The following LIG1 variants were observed in gnomAD, a reference collection of about 807,000 sequenced individuals.
LIG1 encodes the protein DNA ligase 1.
LIG1 carries 70 observed loss-of-function variants against 115.7 expected under a neutral mutation model. That is an observed-to-expected ratio of 0.60 (90% CI 0.50 to 0.74). The LOEUF is 0.74. LIG1 is among the 30% of genes least tolerant of loss of function. The probability of loss-of-function intolerance (pLI) is 0.00; values close to 1 mark genes in which losing one functional copy is unlikely to be tolerated. For synonymous variants in LIG1, 487 were observed against 495.3 expected, an observed-to-expected ratio of 0.98 and a Z score of 0.22; for missense variants, 1,115 against 1,225.6, an observed-to-expected ratio of 0.91 and a Z score of 1.35.
In LIG1 at chr19:48,139,968, T is replaced by TA; in HGVS notation, c.1087+2dup. 1 of 1,614,096 alleles carries TA rather than the reference T, an allele frequency of 6.2e-7. No homozygotes were observed. The highest frequency in any genetic ancestry group is 1.7e-5 in the Admixed American group (1 of 60,026). On this transcript the variant is annotated splice_region_variant and intron_variant, in intron 12 of 27. Coordinates refer to ENST00000263274, the MANE Select transcript of LIG1 (RefSeq NM_000234.3). ...TGGTCCCTCCAACCACAGTCCCCCT[T>TA]ACCTGTGGCCTGGGCCACTGCCTTG...
At chr19:48,167,273 T>C (rs1272942307) in intron 1 of LIG1, among the ~76,000 whole-genome samples, 1 of 152,088 alleles carries the variant, frequency 6.6e-6, no homozygotes, top group Admixed American at 6.6e-5. Flanking sequence ...ACTATGAATA[T>C]ATTTTTTAAA....
At chr19:48,146,396 T>C (rs952238571) in intron 9 of LIG1, among the ~76,000 whole-genome samples, 11 of 152,250 alleles carry the variant, frequency 7.2e-5, no homozygotes, top group African/African-American at 1.2e-4. Flanking sequence ...TATGACGCAG[T>C]GAGTCCAAAA....
At chr19:48,156,218 G>A (rs1308411958) in intron 5 of LIG1, among the ~76,000 whole-genome samples, 2 of 152,042 alleles carry the variant, frequency 1.3e-5, no homozygotes, top group African/African-American at 4.8e-5. Context: ...TGTTCCCCTT[G>A]CCTAGCATGC....
Position 48,170,319 on chromosome 19 carries a change from G to A in LIG1, c.-136C>T. 2.2e-6 allele frequency: 1 copy of A among 446,846 alleles called. No homozygotes were observed. The allele number at this position is 446,846 out of a possible 1,614,324, so 27.7% of individuals were successfully genotyped here. A position where few individuals can be genotyped will look rare whatever the true frequency, so the allele number is the denominator to read the frequency against. On this transcript the variant is annotated 5_prime_UTR_variant, in exon 1 of 28. Coordinates refer to ENST00000263274, the MANE Select transcript of LIG1 (RefSeq NM_000234.3). ...CGCGCCTCTGCAGTCCCAAGTTCGC[G>A]CCACGGCATTCGCGCGCAGACGTCT...
chr19:48,149,966 C>T, intron 8 of LIG1, 122 bp downstream of exon 8: 3 of 1,569,682 alleles, frequency 1.9e-6, no homozygotes, highest in South Asian at 2.3e-5. Flanking sequence ...AGAGACAAGG[C>T]CGACTTTCCA....
chr19:48,157,731 G>C (rs2035939937), intron 4 of LIG1, among the ~76,000 whole-genome samples: 1 of 152,090 alleles, frequency 6.6e-6, no homozygotes, highest in Non-Finnish European at 1.5e-5. Flanking sequence ...TTTTTTTATA[G>C]AGATGGGGCT....
At chr19:48,140,602 C>G (rs557593967) in intron 11 of LIG1, among the ~76,000 whole-genome samples, 11 of 152,278 alleles carry the variant, frequency 7.2e-5, no homozygotes, top group African/African-American at 2.6e-4. Context: ...GGTCACGCAG[C>G]CTCTGGCTTC....
At chr19:48,118,289 C>T (rs1258954465) in intron 25 of LIG1, 5 of 201,348 alleles carry the variant, frequency 2.5e-5, no homozygotes, top group Non-Finnish European at 4.1e-5. Context: ...CCCCATGTGT[C>T]GTGGAGGGAC....
At chr19:48,130,777 C>A (rs1176817429) in intron 19 of LIG1, among the ~76,000 whole-genome samples, 1 of 152,198 alleles carries the variant, frequency 6.6e-6, no homozygotes, top group African/African-American at 2.4e-5. Context: ...AGGGGACAAG[C>A]ATTGGCACTA....
Position 48,140,082 on chromosome 19 carries a change from C to G in LIG1, c.976G>C (p.Asp326His), listed in dbSNP as rs1195706326. ...CTGAGGTAGAGGACAGGGAGGAGGT[C>G]TGGAGGCGACAGGGCCACCACGGAG... The part of the protein sequence containing the change: ...LRSVVALSPP[D>H]LLPVLYLSLN... Residue 326 changes from aspartate to histidine, a missense_variant, in exon 12 of 28, where the codon GAC becomes CAC. Transcript: ENST00000263274. The G allele has an allele frequency of 1.2e-6, 2 of 1,613,950 alleles. No homozygotes were observed. The highest frequency in any genetic ancestry group is 2.2e-5 in the East Asian group (1 of 44,886).
chr19:48,131,208 G>T, intron 18 of LIG1, 37 bp from the exon 19 acceptor site: 1 of 1,494,274 alleles, frequency 6.7e-7, no homozygotes, highest in African/African-American at 1.4e-5. Flanking sequence ...AATCAGCTGA[G>T]TCCCCTCATG....
intron 22 of LIG1, 56 bp downstream of exon 22, chr19:48,123,118 G>A (rs2033410819): frequency 1.2e-6 from 2 of 1,613,432 alleles, no homozygotes; most frequent in South Asian, 2.2e-5. Flanking sequence ...GACAGGCTGG[G>A]AGGCCGGGGT....
chr19:48,159,254 C>T (rs2036033629), intron 4 of LIG1, among the ~76,000 whole-genome samples: 1 of 152,018 alleles, frequency 6.6e-6, no homozygotes, highest in South Asian at 2.1e-4. Context: ...ACTTTTGTAG[C>T]AGAGATGAGG....
In LIG1 at chr19:48,150,322, C is replaced by T. The variant is rs949865720; in HGVS notation, c.575-112G>A. The T allele has an allele frequency of 3.4e-6, 5 of 1,480,132 alleles. No homozygotes were observed. The African/African-American group carries it at 4.2e-5, about 12-fold the overall frequency. The allele number at this position is 1,480,132 out of a possible 1,614,324, so 91.7% of individuals were successfully genotyped here. A position where few individuals can be genotyped will look rare whatever the true frequency, so the allele number is the denominator to read the frequency against. Reference sequence around the variant, plus strand: ...ACCCTGCAGATGGAAGATATAACTACACCTACCCTTTTCCTTTCTGTTAGC... The same window carrying T: ...ACCCTGCAGATGGAAGATATAACTATACCTACCCTTTTCCTTTCTGTTAGC... On this transcript the variant is annotated intron_variant, in intron 7 of 27. Coordinates refer to ENST00000263274, the MANE Select transcript of LIG1 (RefSeq NM_000234.3).
intron 1 of LIG1, among the ~76,000 whole-genome samples, chr19:48,166,808 T>TA (rs1221596439): frequency 6.6e-6 from 1 of 151,484 alleles, no homozygotes; most frequent in African/African-American, 2.4e-5. Flanking sequence ...TCATCTCTAC[T>TA]AAAAATACAA....
intron 11 of LIG1, 41 bp from the exon 12 acceptor site, chr19:48,140,184 G>A (rs754147787): frequency 2.5e-6 from 4 of 1,585,408 alleles, no homozygotes; most frequent in East Asian, 2.2e-5. Context: ...GGTTCCTCAA[G>A]GTCAAAGTGT....
intron 11 of LIG1, 83 bp downstream of exon 11, chr19:48,143,460 G>T: frequency 8.0e-7 from 1 of 1,242,820 alleles, no homozygotes; most frequent in Non-Finnish European, 1.2e-6. Flanking sequence ...AGGGTTTGGC[G>T]GAACAAGGCA....
chr19:48,151,797 T>G (rs1241537398), intron 6 of LIG1, among the ~76,000 whole-genome samples: 3 of 116,178 alleles, frequency 2.6e-5, no homozygotes, highest in African/African-American at 3.4e-5. Flanking sequence ...GCAGCGACCT[T>G]GAGGGGGTCC....
rs274887 is a variant in LIG1, at chr19:48,126,030, G to A, written c.2004+1247C>T. 3.3e-3 allele frequency among the ~76,000 whole-genome samples: 496 copies of A among 150,500 alleles called. 3 individuals are homozygous for A. The highest frequency in any genetic ancestry group is 0.011 in the African/African-American group (468 of 40,992). ...AAGATTATCTGGGATATTGATGATT[G>A]CAGCTAATTTTTTTTGAGAGCTTCC... On this transcript the variant is annotated intron_variant, in intron 21 of 27. Transcript: ENST00000263274.
Sources: gnomAD v4.1 joint callset for allele counts (sites outside exome capture counted in the v4.1 genomes callset) on GRCh38, gnomAD v4.1.1 for gene constraint, MANE v1.5 for transcripts, NCBI Gene and HGNC (gene_info 2026-07-23, HGNC 2026-07-21) for gene names.